CFAP100: variants seen among roughly 807,000 people sequenced by gnomAD.
CFAP100 encodes cilia- and flagella-associated protein 100.
Under a neutral mutation model 81.5 loss-of-function variants are expected in CFAP100, and 70 were observed. The observed-to-expected ratio is 0.86, with a 90% confidence interval of 0.71 to 1.05. The LOEUF (loss-of-function observed/expected upper bound fraction) is 1.05, where lower values mean the gene tolerates loss of function less well. Ranked by LOEUF, CFAP100 falls within the 50% of genes least tolerant of loss-of-function variation. CFAP100 has a pLI of 0.00. For missense variants in CFAP100, 811 were observed against 776.5 expected, an observed-to-expected ratio of 1.04 and a Z score of -0.53; for synonymous variants, 341 against 314.8, an observed-to-expected ratio of 1.08 and a Z score of -0.88.
Position 126,435,584 on chromosome 3 carries a change from C to T in CFAP100, c.1654C>T (p.Gln552Ter). 2 of 1,611,852 alleles carry T rather than the reference C, an allele frequency of 1.2e-6. No homozygotes were observed. Among genetic ancestry groups the T allele is most frequent in the South Asian group, 2.2e-5 (2 of 90,922 alleles). ...IRLREEKLQM[Q>*]KILQEEHLQR... ...ACTTCGAGAAGAGAAGCTCCAGATG[C>T]AAAAGATCCTACAGGAGGAGCATCT... Residue 552 changes from glutamine to a stop codon, truncating the protein, a stop_gained, in exon 16 of 17, where the codon CAA becomes TAA. Transcript: ENST00000352312. LOFTEE classifies it high-confidence loss of function.
intron 13 of CFAP100, among the ~76,000 whole-genome samples, chr3:126,426,906 A>G (rs1242460814): frequency 1.3e-5 from 2 of 152,216 alleles, no homozygotes; most frequent in Non-Finnish European, 2.9e-5. Context: ...AACACACAAT[A>G]CCATTTACAT....
In CFAP100 at chr3:126,420,212, C is replaced by T. The variant is rs767475855; in HGVS notation, c.1065C>T (p.Ser355=). 5.6e-6 allele frequency: 9 copies of T among 1,612,302 alleles called. No individual in the cohort carries two copies. The highest frequency in any genetic ancestry group is 3.3e-5 in the Admixed American group (2 of 59,994). Residue 355 remains serine, a synonymous_variant, in exon 11 of 17, where the codon AGC becomes AGT. Coordinates refer to ENST00000352312, the MANE Select transcript of CFAP100 (RefSeq NM_182628.3). ...AAGGCAGCCAGCCCAGCGAGTCCAG[C>T]GGTGGCGACTCCAGAGGGTGAGTGG... is the stretch of plus-strand genomic sequence containing the variant. ...PQQGSQPSES[S]GGDSRGSNSP...
At chr3:126,395,883 G>A (rs781673912) in intron 1 of CFAP100, 59 bp from the exon 2 acceptor site, 50 of 863,826 alleles carry the variant, frequency 5.8e-5, no homozygotes, top group Non-Finnish European at 8.4e-5. Context: ...CAGCCACCCA[G>A]GGGGAAGGAA....
At position 126,436,481 on chromosome 3, in the gene CFAP100, TCGAGTGGCC is replaced by T. The variant is rs1376438083; in HGVS notation, c.*79_*87del. ...GAGGAAGCAGAGACTGGGCTGGGTCTCGAGTGGCCCAACTGAGTCCTCTCTGTCTCCTGT... is the reference window on the plus strand; with the variant it reads ...GAGGAAGCAGAGACTGGGCTGGGTCTCAACTGAGTCCTCTCTGTCTCCTGT... On this transcript the variant is annotated 3_prime_UTR_variant, in exon 17 of 17. Transcript: ENST00000352312. 3.2e-5 allele frequency: 35 copies of T among 1,083,680 alleles called. No individual in the cohort carries two copies. Among genetic ancestry groups the T allele is most frequent in the Non-Finnish European group, 2.8e-6 (2 of 723,422 alleles). 67.1% of individuals were successfully genotyped at this position (1,083,680 alleles called of 1,614,324 possible). A position where few individuals can be genotyped will look rare whatever the true frequency, so the allele number is the denominator to read the frequency against.
intron 3 of CFAP100, among the ~76,000 whole-genome samples, chr3:126,409,612 A>G (rs990033379): frequency 6.6e-6 from 1 of 152,196 alleles, no homozygotes; most frequent in Non-Finnish European, 1.5e-5. Flanking sequence ...TTGGTACACC[A>G]TCGATCCTTT....
At chr3:126,410,252 G>A (rs765390660) in intron 3 of CFAP100, among the ~76,000 whole-genome samples, 3 of 152,052 alleles carry the variant, frequency 2.0e-5, no homozygotes, top group Admixed American at 6.6e-5. Flanking sequence ...CAGCTCAATC[G>A]TTTCTTCATT....
intron 13 of CFAP100, among the ~76,000 whole-genome samples, chr3:126,424,353 GGC>G (rs1300647844): frequency 2.7e-4 from 41 of 152,256 alleles, no homozygotes; most frequent in African/African-American, 8.7e-4. Flanking sequence ...TGTCCAGCAT[GGC>G]AAAGTGGCTA....
intron 13 of CFAP100, among the ~76,000 whole-genome samples, chr3:126,428,503 T>G (rs1441000469): frequency 6.6e-6 from 1 of 152,328 alleles, no homozygotes; most frequent in South Asian, 2.1e-4. Context: ...GGAACCTGCA[T>G]GTAAAGTCTG....
chr3:126,395,895 C>T (rs2082880143), intron 1 of CFAP100, 47 bp from the exon 2 acceptor site: 5 of 964,794 alleles, frequency 5.2e-6, no homozygotes, highest in African/African-American at 1.6e-5. Context: ...GGGAAGGAAG[C>T]TCTGGGCTTG....
At chr3:126,433,359 A>G (rs1165798599) in intron 14 of CFAP100, 155 bp downstream of exon 14, 2 of 830,260 alleles carry the variant, frequency 2.4e-6, no homozygotes, top group African/African-American at 3.4e-5. Flanking sequence ...AGGAGCCACC[A>G]CATGTATTGA....
chr3:126,436,272 G>T lies in CFAP100; in HGVS notation c.1723-19G>T, dbSNP rs770112454. 1 of 1,602,250 alleles carries T rather than the reference G, an allele frequency of 6.2e-7. No homozygotes were observed. Among genetic ancestry groups the T allele is most frequent in the East Asian group, 2.2e-5 (1 of 44,794 alleles). The stretch of plus-strand genomic sequence containing the variant: ...GGCTCACTAGGCAGCAAGGCTCACT[G>T]GGCTTGTTTCCCCTGCAGAGAGGCA... On this transcript the variant is annotated intron_variant, in intron 16 of 16. Coordinates refer to ENST00000352312, the MANE Select transcript of CFAP100 (RefSeq NM_182628.3).
At position 126,418,517 on chromosome 3, in the gene CFAP100, C is replaced by T; in HGVS notation, c.478C>T (p.Leu160Phe). 2.5e-6 allele frequency: 4 copies of T among 1,614,150 alleles called. No homozygotes were observed. Among genetic ancestry groups the T allele is most frequent in the East Asian group, 2.2e-5 (1 of 44,866 alleles). The change falls in exon 6 of 17, where the codon CTC (leucine) becomes TTC (phenylalanine). Residue 160 changes from leucine (L) to phenylalanine (F), a missense_variant. By Grantham distance (22) the Leu-to-Phe change is conservative. Coordinates refer to ENST00000352312, the MANE Select transcript of CFAP100 (RefSeq NM_182628.3). ...GYIKQKRQMF[L>F]LQYALDVKRR... ...CATTAAGCAGAAGCGGCAAATGTTCCTCCTCCAGGTAGGTCCCGTGGCCCC... is the reference window on the plus strand; with the variant it reads ...CATTAAGCAGAAGCGGCAAATGTTCTTCCTCCAGGTAGGTCCCGTGGCCCC...
intron 13 of CFAP100, among the ~76,000 whole-genome samples, chr3:126,432,342 G>T (rs1576649540): frequency 6.8e-6 from 1 of 146,576 alleles, no homozygotes; most frequent in South Asian, 2.2e-4. Context: ...TCTGCTCCTA[G>T]ATATATATTC....
chr3:126,416,267 ACGCGGGTGGGGAGCCTGGGCCCCGCC>A (rs753574298), intron 4 of CFAP100, 23 bp from the exon 5 acceptor site: 10 of 1,378,886 alleles, frequency 7.3e-6, no homozygotes, highest in Non-Finnish European at 9.9e-6. Flanking sequence ...GGAGGCCTGG[ACGCGGGTGGGGAGCCTGGGCCCCGCC>A]CGACTTGGCC....
At chr3:126,421,670 A>G (rs1199984036) in intron 11 of CFAP100, among the ~76,000 whole-genome samples, 3 of 152,078 alleles carry the variant, frequency 2.0e-5, no homozygotes, top group African/African-American at 7.2e-5. Flanking sequence ...ACGACTGCCT[A>G]TTCCTGAACT....
At chr3:126,396,284 T>C (rs2082887935) in intron 2 of CFAP100, among the ~76,000 whole-genome samples, 1 of 152,184 alleles carries the variant, frequency 6.6e-6, no homozygotes, top group African/African-American at 2.4e-5. Flanking sequence ...GGGGGCTGGA[T>C]GTCTGAGATC....
chr3:126,421,661 C>T (rs973599050), intron 11 of CFAP100, among the ~76,000 whole-genome samples: 5 of 152,234 alleles, frequency 3.3e-5, no homozygotes, highest in Non-Finnish European at 7.3e-5. Flanking sequence ...CCCCTCTCCA[C>T]GACTGCCTAT....
Position 126,401,394 on chromosome 3 carries a change from A to T in CFAP100, c.49+5345A>T, listed in dbSNP as rs1429371102. ...TCAATGGCATAAAATGGCAAATCGT[A>T]TTTTATATATATATATATATATATA... On this transcript the variant is annotated intron_variant, in intron 2 of 16. Transcript: ENST00000352312. 7.4e-5 allele frequency among the ~76,000 whole-genome samples: 6 copies of T among 80,926 alleles called. No homozygotes were observed. In the Admixed American group the frequency reaches 8.3e-4, roughly 11 times the overall value. 53.1% of individuals were successfully genotyped at this position (80,926 alleles called of 152,430 possible). A position where few individuals can be genotyped will look rare whatever the true frequency, so the allele number is the denominator to read the frequency against.
chr3:126,434,539 G>C (rs1933369645), intron 15 of CFAP100, 158 bp downstream of exon 15: 1 of 718,722 alleles, frequency 1.4e-6, no homozygotes, highest in African/African-American at 1.8e-5. Flanking sequence ...GATCTAGAGG[G>C]GCATCACAGT....
Sources: allele counts gnomAD v4.1 joint callset (sites outside exome capture counted in the v4.1 genomes callset), GRCh38; gene constraint gnomAD v4.1.1; transcripts MANE v1.5; gene names NCBI Gene and HGNC (gene_info 2026-07-23, HGNC 2026-07-21).